Variants in PDXDC1 observed in about 807,000 individuals in gnomAD.
PDXDC1 encodes the protein pyridoxal-dependent decarboxylase domain-containing protein 1.
Under a neutral mutation model 100.1 loss-of-function variants are expected in PDXDC1, and 42 were observed. The observed-to-expected ratio is 0.42, with a 90% CI of 0.33 to 0.54. The LOEUF is 0.54. PDXDC1 is among the 20% of genes least tolerant of loss of function. The pLI, the probability that PDXDC1 is intolerant of heterozygous loss-of-function variation, is 0.10. For missense variants in PDXDC1, 636 were observed against 979.2 expected, an observed-to-expected ratio of 0.65 and a Z score of 4.68; for synonymous variants, 260 against 371.7, an observed-to-expected ratio of 0.70 and a Z score of 3.46.
rs1374168109 is a variant in PDXDC1 at position 15,117,386 on chromosome 16, C to T, written c.1400-21493C>T. Among the ~76,000 whole-genome samples the T allele has an allele frequency of 5.6e-5, 8 of 143,466 alleles. No homozygotes were observed. In the East Asian group the frequency reaches 6.1e-4, roughly 11 times the overall value. 94.1% of individuals were successfully genotyped at this position (143,466 alleles called of 152,430 possible). A position where few individuals can be genotyped will look rare whatever the true frequency, so the allele number is the denominator to read the frequency against. On this transcript the variant is annotated intron_variant, in intron 16 of 16. Coordinates refer to the PDXDC1 transcript ENST00000535621. ...CTTAAGGTTATATATTTTGGCCAGGCGCGGTGGCTCACGCCTGTAATCCCA... is the reference window on the plus strand; with the variant it reads ...CTTAAGGTTATATATTTTGGCCAGGTGCGGTGGCTCACGCCTGTAATCCCA...
intron 16 of PDXDC1, chr16:15,127,981 C>T (rs1167768088): frequency 1.1e-5 from 18 of 1,581,318 alleles, no homozygotes; most frequent in South Asian, 6.7e-5. Context: ...GAACATGGAA[C>T]GAGGCCTTAC....
At chr16:14,985,993 CAG>C (rs1491198507) in intron 1 of PDXDC1, among the ~76,000 whole-genome samples, 1 of 152,232 alleles carries the variant, frequency 6.6e-6, no homozygotes, top group Non-Finnish European at 1.5e-5. Context: ...CATGTCTGCT[CAG>C]GGGGCTGAGG....
At chr16:15,141,036 C>A (rs1293041463), downstream of PDXDC1, among the ~76,000 whole-genome samples, 2 of 150,624 alleles carry the variant, frequency 1.3e-5, no homozygotes, top group Non-Finnish European at 2.9e-5. Context: ...TGAGCACCCG[C>A]CCAGCCCCTA....
the PDXDC1 span, among the ~76,000 whole-genome samples, chr16:15,148,369 G>C: frequency 2.4e-5 from 2 of 82,348 alleles, no homozygotes; most frequent in African/African-American, 1.0e-4. Context: ...CAGATCCTGT[G>C]ATTTTTTTTT....
At chr16:15,130,449 C>T in intron 16 of PDXDC1, 1 of 1,472,234 alleles carries the variant, frequency 6.8e-7, no homozygotes, top group Non-Finnish European at 9.5e-7. Flanking sequence ...CACTGGGTCT[C>T]TGGTCCTGGG....
chr16:14,992,703 C>T (rs1305879192), intron 1 of PDXDC1, among the ~76,000 whole-genome samples: 1 of 152,266 alleles, frequency 6.6e-6, no homozygotes, highest in East Asian at 1.9e-4. Context: ...TAATAGAGGT[C>T]AGAAACAGGA....
rs979936352 is a variant in PDXDC1, at chr16:15,071,210, C to A, written c.1399+41154C>A. Reference sequence around the variant, plus strand: ...TGATGGCAGGATTACTTGGGTCCTGCAATTTTTTCCAGAGATGTTCCAAAA... The same window carrying A: ...TGATGGCAGGATTACTTGGGTCCTGAAATTTTTTCCAGAGATGTTCCAAAA... On this transcript the variant is annotated intron_variant, in intron 16 of 16. Coordinates refer to the PDXDC1 transcript ENST00000535621. The A allele has an allele frequency of 5.0e-6, 8 of 1,610,828 alleles. No individual in the cohort carries two copies. In the African/African-American group the frequency reaches 9.4e-5, roughly 19 times the overall value.
chr16:15,042,404 G>A (rs550016173), downstream of PDXDC1, among the ~76,000 whole-genome samples: 3 of 152,106 alleles, frequency 2.0e-5, no homozygotes, highest in African/African-American at 7.2e-5. Flanking sequence ...TGGCCAGGCT[G>A]GTCTCGAACT....
rs1270155714 is a variant in PDXDC1 at position 15,031,137 on chromosome 16, C to CTTTTTTT, written c.1400-598_1400-597insTTTTTTT. On this transcript the variant is annotated intron_variant, in intron 16 of 22. Transcript: ENST00000396410. ...ATTTTTTTTTTTTTTTTTTTTTTTC[C>CTTTTTTT]ATAGAGACGTGGTCTCACTCTGTCA... Among the ~76,000 whole-genome samples the CTTTTTTT allele has an allele frequency of 8.2e-4, 94 of 114,208 alleles. 7 individuals are homozygous for CTTTTTTT. Among genetic ancestry groups the CTTTTTTT allele is most frequent in the South Asian group, 2.3e-3 (8 of 3,514 alleles). 74.9% of individuals were successfully genotyped at this position (114,208 alleles called of 152,430 possible). A position where few individuals can be genotyped will look rare whatever the true frequency, so the allele number is the denominator to read the frequency against.
chr16:15,065,114 C>T (rs956307336), intron 16 of PDXDC1: 14 of 1,186,310 alleles, frequency 1.2e-5, no homozygotes, highest in Middle Eastern at 2.0e-4. Flanking sequence ...TGCGGTAAGC[C>T]GAGATCACAC....
chr16:15,091,359 C>T, intron 16 of PDXDC1: 1 of 1,590,154 alleles, frequency 6.3e-7, no homozygotes, highest in East Asian at 2.2e-5. Context: ...AACTCAAAGT[C>T]ATTTGTTTCA....
intron 21 of PDXDC1, among the ~76,000 whole-genome samples, chr16:15,035,188 G>GT (rs2043332931): frequency 6.6e-6 from 1 of 152,228 alleles, no homozygotes; most frequent in Admixed American, 6.5e-5. Context: ...CACTTCTTGT[G>GT]GCTACAGTAC....
At chr16:15,133,797 G>A (rs1225822861) in intron 16 of PDXDC1, 167 of 1,584,936 alleles carry the variant, frequency 1.1e-4, no homozygotes, top group South Asian at 4.2e-4. Context: ...GTACTCACCC[G>A]TGCATTCGAA....
At chr16:15,100,332 A>C (rs1013221562) in intron 16 of PDXDC1, among the ~76,000 whole-genome samples, 2 of 152,250 alleles carry the variant, frequency 1.3e-5, no homozygotes, top group Non-Finnish European at 2.9e-5. Context: ...CACAAATGCA[A>C]GATCTCAACT....
At chr16:15,063,540 C>T (rs1300057669) in intron 16 of PDXDC1, among the ~76,000 whole-genome samples, 3 of 151,850 alleles carry the variant, frequency 2.0e-5, no homozygotes, top group Non-Finnish European at 4.4e-5. Context: ...AACCCCATCT[C>T]TACTAAAAAT....
At chr16:15,092,487 C>T in intron 16 of PDXDC1, 1 of 1,529,040 alleles carries the variant, frequency 6.5e-7, no homozygotes, top group Non-Finnish European at 9.1e-7. Flanking sequence ...AAAAGCAAAC[C>T]TCACACATTA....
intron 16 of PDXDC1, among the ~76,000 whole-genome samples, chr16:15,100,652 G>A (rs181034479): frequency 5.3e-5 from 8 of 152,210 alleles, no homozygotes; most frequent in Admixed American, 1.3e-4. Context: ...AATGTCCCTG[G>A]GGTACAAAAC....
chr16:15,149,468 G>A, the PDXDC1 span, among the ~76,000 whole-genome samples: 1 of 152,180 alleles, frequency 6.6e-6, no homozygotes, highest in Non-Finnish European at 1.5e-5. Context: ...GGCCTGGCCA[G>A]CCCCCCAAGG....
chr16:15,015,853 T>G, intron 8 of PDXDC1: 2 of 647,526 alleles, frequency 3.1e-6, no homozygotes, highest in South Asian at 4.7e-5. Context: ...AATATATTTC[T>G]CATGAGTCAG....
Sources: gnomAD v4.1 joint callset for allele counts (sites outside exome capture counted in the v4.1 genomes callset) on GRCh38, gnomAD v4.1.1 for gene constraint, MANE v1.5 for transcripts, NCBI Gene and HGNC (gene_info 2026-07-23, HGNC 2026-07-21) for gene names.